TMEM65: variants seen among roughly 807,000 people sequenced by gnomAD.
The protein encoded by TMEM65 is transmembrane protein 65.
TMEM65 carries 22 observed loss-of-function variants against 25.4 expected under a neutral mutation model. The ratio of observed to expected loss-of-function variants is 0.86; its 90% CI spans 0.62 to 1.23. The LOEUF (loss-of-function observed/expected upper bound fraction) is 1.23. Among genes scored for constraint, TMEM65 ranks in the 50% most tolerant of loss-of-function variants. TMEM65 has a pLI of 0.00. For synonymous variants in TMEM65, 132 were observed against 126.2 expected (o/e 1.05, Z -0.31); for missense variants, 262 against 308.2 (o/e 0.85, Z 1.12).
chr8:124,334,758 C>T (rs146652917), intron 1 of TMEM65, among the ~76,000 whole-genome samples: 41,439 of 112,994 alleles, frequency 0.37, 8,151 homozygotes, highest in Non-Finnish European at 0.45. Flanking sequence ...AACAAGACTC[C>T]GTCTCAAAAA....
At chr8:124,364,953 A>G (rs1281313064) in intron 1 of TMEM65, among the ~76,000 whole-genome samples, 3 of 152,220 alleles carry the variant, frequency 2.0e-5, no homozygotes, top group Non-Finnish European at 2.9e-5. Context: ...GAAACCAGAC[A>G]AGAGTGTGGT....
At chr8:124,314,148 T>C in intron 6 of TMEM65, 87 bp from the exon 7 acceptor site, 1 of 1,025,042 alleles carries the variant, frequency 9.8e-7, no homozygotes, top group Non-Finnish European at 1.5e-6. Context: ...CTCTTCTCAA[T>C]ATATTTGGAT....
chr8:124,339,858 T>TG (rs1814564789), intron 1 of TMEM65, among the ~76,000 whole-genome samples: 2 of 145,742 alleles, frequency 1.4e-5, no homozygotes, highest in African/African-American at 2.7e-5. Flanking sequence ...TGTGTATTTT[T>TG]GGAAAAAAAA....
chr8:124,327,660 T>G (rs1185628650), intron 2 of TMEM65, among the ~76,000 whole-genome samples: 1 of 138,240 alleles, frequency 7.2e-6, no homozygotes, highest in Non-Finnish European at 1.6e-5. Flanking sequence ...CTTTTGTGTT[T>G]TCTTACTGGT....
At position 124,309,988 on chromosome 8, in the gene TMEM65, C is replaced by T. The variant is rs1400919790; in HGVS notation, c.*3972G>A. 1 of 151,902 alleles carries T rather than the reference C, an allele frequency of 6.6e-6. No individual in the cohort carries two copies. Among genetic ancestry groups the T allele is most frequent in the Non-Finnish European group, 1.5e-5 (1 of 67,978 alleles). The allele number at this position is 151,902 out of a possible 1,614,324, so 9.4% of individuals were successfully genotyped here. A position where few individuals can be genotyped will look rare whatever the true frequency, so the allele number is the denominator to read the frequency against. On this transcript the variant is annotated 3_prime_UTR_variant, in exon 7 of 7. Transcript: ENST00000297632. ...CAGCCTGGCCAACATGGTGAAACCC[C>T]GTTTCTACTAAAAATACAAAAAAAT...
At chr8:124,337,144 C>T (rs1043570840) in intron 1 of TMEM65, among the ~76,000 whole-genome samples, 6 of 128,384 alleles carry the variant, frequency 4.7e-5, no homozygotes, top group East Asian at 2.1e-4. Context: ...CACACACACA[C>T]GCACACACAC....
At chr8:124,371,303 T>C (rs539661637) in intron 1 of TMEM65, among the ~76,000 whole-genome samples, 2 of 151,924 alleles carry the variant, frequency 1.3e-5, no homozygotes, top group African/African-American at 4.9e-5. Flanking sequence ...CAATCAGACA[T>C]GTGTGGAAAC....
chr8:124,342,788 A>C (rs1401171813), intron 1 of TMEM65, among the ~76,000 whole-genome samples: 1 of 152,154 alleles, frequency 6.6e-6, no homozygotes, highest in African/African-American at 2.4e-5. Flanking sequence ...GTTTATAACT[A>C]ATGTTTGGTT....
intron 1 of TMEM65, among the ~76,000 whole-genome samples, chr8:124,349,195 G>A (rs1384015196): frequency 2.0e-5 from 3 of 152,108 alleles, no homozygotes; most frequent in Non-Finnish European, 4.4e-5. Flanking sequence ...TCAATTGTAT[G>A]TGCATATATA....
intron 1 of TMEM65, among the ~76,000 whole-genome samples, chr8:124,347,896 T>C (rs1255322510): frequency 1.3e-5 from 2 of 151,332 alleles, no homozygotes; most frequent in Non-Finnish European, 3.0e-5. Flanking sequence ...TTTTCTTTTT[T>C]TTTTTTTTTT....
At chr8:124,342,369 T>C (rs866718239) in intron 1 of TMEM65, among the ~76,000 whole-genome samples, 17 of 152,240 alleles carry the variant, frequency 1.1e-4, no homozygotes, top group Middle Eastern at 3.4e-3. Context: ...AGAAACTCAT[T>C]GGTTCATAAA....
At chr8:124,347,685 G>C (rs1006192655) in intron 1 of TMEM65, among the ~76,000 whole-genome samples, 1 of 152,130 alleles carries the variant, frequency 6.6e-6, no homozygotes, top group Admixed American at 6.6e-5. Flanking sequence ...ACTGCAACCT[G>C]TTACCTAGAA....
In TMEM65 at chr8:124,308,955, C is replaced by T. The variant is rs1212570908; in HGVS notation, c.*5005G>A. The T allele has an allele frequency of 6.6e-6, 1 of 152,170 alleles. No individual in the cohort carries two copies. Among genetic ancestry groups the T allele is most frequent in the African/African-American group, 2.4e-5 (1 of 41,434 alleles). 9.4% of individuals were successfully genotyped at this position (152,170 alleles called of 1,614,324 possible). A position where few individuals can be genotyped will look rare whatever the true frequency, so the allele number is the denominator to read the frequency against. ...TCATAATTACACGTAGTGTGCCTGC[C>T]TTTCCTGCTTCCCCTTGCACCTCTG... On this transcript the variant is annotated 3_prime_UTR_variant, in exon 7 of 7. Coordinates refer to ENST00000297632, the MANE Select transcript of TMEM65 (RefSeq NM_194291.3).
At position 124,323,394 on chromosome 8, in the gene TMEM65, T is replaced by G. The variant is rs775647774; in HGVS notation, c.418-19A>C. 2.2e-6 allele frequency: 3 copies of G among 1,390,890 alleles called. No homozygotes were observed. Among genetic ancestry groups the G allele is most frequent in the Non-Finnish European group, 3.0e-6 (3 of 1,006,550 alleles). 86.2% of individuals were successfully genotyped at this position (1,390,890 alleles called of 1,614,324 possible). ...GGGTTCCCTGAAATATGATAAAAAA[T>G]TAATCTTAAAAATTAAAGCTGAAGT... On this transcript the variant is annotated intron_variant, in intron 3 of 6. Coordinates refer to ENST00000297632, the MANE Select transcript of TMEM65 (RefSeq NM_194291.3).
chr8:124,366,623 G>A (rs544016749), intron 1 of TMEM65, among the ~76,000 whole-genome samples: 1 of 151,966 alleles, frequency 6.6e-6, no homozygotes, highest in African/African-American at 2.4e-5. Context: ...ATGATAGAAG[G>A]GTTGTTATTT....
intron 3 of TMEM65, among the ~76,000 whole-genome samples, chr8:124,326,117 C>G (rs1272250345): frequency 6.6e-6 from 1 of 152,066 alleles, no homozygotes; most frequent in East Asian, 1.9e-4. Context: ...AACAAACTCT[C>G]TAAGTCCTAA....
intron 1 of TMEM65, among the ~76,000 whole-genome samples, chr8:124,336,347 CAACT>C (rs1295393596): frequency 2.6e-5 from 4 of 151,904 alleles, no homozygotes; most frequent in East Asian, 3.8e-4. Flanking sequence ...TGAACACTAC[CAACT>C]ATGTTGATCT....
chr8:124,355,685 T>C (rs1487145980), intron 1 of TMEM65, among the ~76,000 whole-genome samples: 2 of 152,192 alleles, frequency 1.3e-5, no homozygotes, highest in Admixed American at 6.5e-5. Context: ...TCAAATTCAA[T>C]TCAAATTGAT....
rs1165996337 is a variant in TMEM65 at position 124,372,055 on chromosome 8, C to A, written c.103G>T (p.Gly35Trp). 2.5e-6 allele frequency: 3 copies of A among 1,193,178 alleles called. No individual in the cohort carries two copies. The highest frequency in any genetic ancestry group is 4.6e-5 in the Admixed American group (1 of 21,792). The allele number at this position is 1,193,178 out of a possible 1,614,324, so 73.9% of individuals were successfully genotyped here. Residue 35 changes from glycine to tryptophan, a missense_variant, in exon 1 of 7, where the codon GGG becomes TGG. Gly to Trp is a radical substitution (Grantham distance 184). Coordinates refer to ENST00000297632, the MANE Select transcript of TMEM65 (RefSeq NM_194291.3). Reference sequence around the variant, plus strand: ...GGCGCGAGCGCCAGCAGCCCCCGCCCGCAGCAGCACCAGGACGGCGGGCGG... The same window carrying A: ...GGCGCGAGCGCCAGCAGCCCCCGCCAGCAGCAGCACCAGGACGGCGGGCGG... The part of the protein sequence containing the change: ...APRPPSWCCC[G>W]RGLLALAPPG...
Sources: allele counts gnomAD v4.1 joint callset (sites outside exome capture counted in the v4.1 genomes callset), GRCh38; gene constraint gnomAD v4.1.1; transcripts MANE v1.5; gene names NCBI Gene and HGNC (gene_info 2026-07-23, HGNC 2026-07-21).